Variants in CACNA1E observed in about 807,000 individuals in gnomAD.
CACNA1E encodes the protein voltage-dependent R-type calcium channel subunit alpha-1E.
A neutral mutation model predicts 259.2 loss-of-function variants in CACNA1E; 40 were observed. That is an observed-to-expected ratio of 0.15 (90% CI 0.12 to 0.20). The LOEUF (loss-of-function observed/expected upper bound fraction) is 0.20. Ranked by LOEUF, CACNA1E falls within the 10% of genes least tolerant of loss-of-function variation. CACNA1E has a pLI of 1.00. For synonymous variants in CACNA1E, 1,104 were observed against 1,138.5 expected, an observed-to-expected ratio of 0.97 and a Z score of 0.61; for missense variants, 1,874 against 3,040.1, an observed-to-expected ratio of 0.62 and a Z score of 9.02.
chr1:181,445,540 G>C (rs1660740419), intron 2 of CACNA1E, among the ~76,000 whole-genome samples: 1 of 152,204 alleles, frequency 6.6e-6, no homozygotes, highest in South Asian at 2.1e-4. Flanking sequence ...CTCATTGGTA[G>C]GTGAGCTTCT....
At chr1:181,715,264 C>T in intron 8 of CACNA1E, 74 bp from the exon 9 acceptor site, 1 of 886,464 alleles carries the variant, frequency 1.1e-6, no homozygotes, top group Non-Finnish European at 1.8e-6. Flanking sequence ...CTGAAGTTGT[C>T]CCTGAGGGAT....
intron 7 of CACNA1E, among the ~76,000 whole-genome samples, chr1:181,706,024 C>T (rs535936682): frequency 4.6e-4 from 70 of 152,154 alleles, no homozygotes; most frequent in Non-Finnish European, 7.4e-4. Context: ...TTGCATCTCT[C>T]GGTGTAGAAA....
At chr1:181,324,150 G>A (rs557288845) in intron 1 of CACNA1E, among the ~76,000 whole-genome samples, 45 of 152,280 alleles carry the variant, frequency 3.0e-4, no homozygotes, top group Admixed American at 1.8e-3. Flanking sequence ...CACTGACTAG[G>A]ATACTGGGAA....
At chr1:181,545,412 C>T (rs10910954) in intron 3 of CACNA1E, among the ~76,000 whole-genome samples, 67,759 of 152,058 alleles carry the variant, frequency 0.45, 16,820 homozygotes, top group Middle Eastern at 0.56. Flanking sequence ...AGGGACTCAG[C>T]GCACTGAGGC....
intron 9 of CACNA1E, 36 bp from the exon 10 acceptor site, chr1:181,716,004 G>A: frequency 6.9e-7 from 1 of 1,448,990 alleles, no homozygotes; most frequent in Non-Finnish European, 9.5e-7. Flanking sequence ...GGGTGTACTT[G>A]TGGCCTCTCA....
At chr1:181,612,753 C>T (rs1057269039) in intron 6 of CACNA1E, among the ~76,000 whole-genome samples, 1 of 152,204 alleles carries the variant, frequency 6.6e-6, no homozygotes, top group African/African-American at 2.4e-5. Flanking sequence ...TCTACAATCC[C>T]ACACAAGATA....
chr1:181,601,379 C>T (rs988033394), intron 6 of CACNA1E, among the ~76,000 whole-genome samples: 2 of 152,200 alleles, frequency 1.3e-5, no homozygotes, highest in Non-Finnish European at 2.9e-5. Flanking sequence ...CTGGGATGCT[C>T]CCTTTCCAAA....
At chr1:181,624,274 C>T (rs1655992025) in intron 6 of CACNA1E, among the ~76,000 whole-genome samples, 1 of 152,188 alleles carries the variant, frequency 6.6e-6, no homozygotes, top group African/African-American at 2.4e-5. Flanking sequence ...CCAATTTCAA[C>T]ATGAGATTTG....
rs141863439 is a variant in CACNA1E, at chr1:181,423,295, G to T, written c.434+9715G>T. Reference sequence around the variant, plus strand: ...GAGACTACAGGAGGGAATGCACAGTGCCTGGCACAAGGTCAACAGTCAGTG... The same window carrying T: ...GAGACTACAGGAGGGAATGCACAGTTCCTGGCACAAGGTCAACAGTCAGTG... On this transcript the variant is annotated intron_variant, in intron 2 of 11. Coordinates refer to the CACNA1E transcript ENST00000524607. 4.5e-3 allele frequency among the ~76,000 whole-genome samples: 690 copies of T among 152,300 alleles called. 3 individuals are homozygous for T. Among genetic ancestry groups the T allele is most frequent in the African/African-American group, 0.014 (596 of 41,558 alleles).
At chr1:181,457,938 GA>G (rs1661563505) in intron 2 of CACNA1E, among the ~76,000 whole-genome samples, 1 of 152,228 alleles carries the variant, frequency 6.6e-6, no homozygotes, top group African/African-American at 2.4e-5. Flanking sequence ...GGATGAAAAG[GA>G]GAACCTTGAG....
At chr1:181,478,559 T>C (rs147646743), upstream of CACNA1E, among the ~76,000 whole-genome samples, 1 of 152,382 alleles carries the variant, frequency 6.6e-6, no homozygotes, top group East Asian at 1.9e-4. Flanking sequence ...AGAGTCTATT[T>C]CTTGGAAAAG....
At chr1:181,673,667 A>T (rs1188036572) in intron 7 of CACNA1E, among the ~76,000 whole-genome samples, 1 of 152,146 alleles carries the variant, frequency 6.6e-6, no homozygotes, top group Middle Eastern at 3.2e-3. Context: ...GGGCCAGCGG[A>T]TGGAAGCCAT....
chr1:181,380,895 C>T (rs557419912), intron 1 of CACNA1E, among the ~76,000 whole-genome samples: 7 of 152,284 alleles, frequency 4.6e-5, no homozygotes, highest in East Asian at 3.9e-4. Context: ...AGGCTGGGCA[C>T]GGTGGCCCAT....
intron 1 of CACNA1E, among the ~76,000 whole-genome samples, chr1:181,408,941 G>A (rs1657657704): frequency 6.6e-6 from 1 of 152,076 alleles, no homozygotes; most frequent in South Asian, 2.1e-4. Context: ...TGCTCACCTG[G>A]GTCCACCCCT....
chr1:181,779,430 G>T (rs1260092651), intron 38 of CACNA1E: 2 of 442,530 alleles, frequency 4.5e-6, no homozygotes, highest in Non-Finnish European at 9.1e-6. Context: ...ACCCACCTGT[G>T]CTTCCTTTAC....
chr1:181,706,551 T>C (rs1468860241), intron 7 of CACNA1E, among the ~76,000 whole-genome samples: 3 of 152,256 alleles, frequency 2.0e-5, no homozygotes, highest in South Asian at 2.1e-4. Flanking sequence ...AATTTTATTC[T>C]AGGTCTTTAA....
At chr1:181,746,100 G>A (rs1038816891) in intron 25 of CACNA1E, among the ~76,000 whole-genome samples, 2 of 152,178 alleles carry the variant, frequency 1.3e-5, no homozygotes, top group African/African-American at 4.8e-5. Flanking sequence ...TTGAGGGTTC[G>A]AGGGTGACCC....
rs567760052 is a variant in CACNA1E, at chr1:181,707,693, G to GAGTC, written c.1056-3257_1056-3254dup. ...TGCTCCTAGTTCACCTGCTCCCTTT[G>GAGTC]AGTCAGTGCAGAGATGGAGTACTCC... On this transcript the variant is annotated intron_variant, in intron 7 of 47. Coordinates refer to ENST00000367573, the MANE Select transcript of CACNA1E (RefSeq NM_001205293.3). 3.4e-4 allele frequency among the ~76,000 whole-genome samples: 52 copies of GAGTC among 152,244 alleles called. 1 individual carries two copies. Among genetic ancestry groups the GAGTC allele is most frequent in the Non-Finnish European group, 6.3e-4 (43 of 68,006 alleles).
At chr1:181,490,456 G>A (rs1253902313) in intron 1 of CACNA1E, among the ~76,000 whole-genome samples, 2 of 151,688 alleles carry the variant, frequency 1.3e-5, no homozygotes, top group Non-Finnish European at 2.9e-5. Context: ...GTGGGGCTTG[G>A]GAATGCTATG....
Sources: allele counts gnomAD v4.1 joint callset (sites outside exome capture counted in the v4.1 genomes callset), GRCh38; gene constraint gnomAD v4.1.1; transcripts MANE v1.5; gene names NCBI Gene and HGNC (gene_info 2026-07-23, HGNC 2026-07-21).